The following ZSWIM8 variants were observed in gnomAD, a reference collection of about 807,000 sequenced individuals.
The protein encoded by ZSWIM8 is zinc finger SWIM domain-containing protein 8.
In ZSWIM8, 27 loss-of-function variants were observed where a neutral mutation model predicts 173.7. That is an observed-to-expected ratio of 0.16 (90% CI 0.11 to 0.21). ZSWIM8 has a LOEUF of 0.21. ZSWIM8 is among the 10% of genes least tolerant of loss of function. ZSWIM8 has a pLI of 1.00. For synonymous variants in ZSWIM8, 958 were observed against 962.0 expected, an observed-to-expected ratio of 1.00 and a Z score of 0.08; for missense variants, 1,627 against 2,428.8, an observed-to-expected ratio of 0.67 and a Z score of 6.94.
At position 73,791,191 on chromosome 10, in the gene ZSWIM8, T is replaced by C. The variant is rs760410991; in HGVS notation, c.1143+15T>C. On this transcript the variant is annotated intron_variant, in intron 8 of 25. Transcript: ENST00000604729. This position sits in a 1 kb window ranked among gnomAD's most constrained non-coding sequence, Gnocchi z 6.0. ...CCTATGAACAGGTAATCACTCAGCG[T>C]TGGGGAGCCCCGTGGTAGCTCATTC... 8.8e-6 allele frequency: 14 copies of C among 1,585,752 alleles called. No homozygotes were observed. Among genetic ancestry groups the C allele is most frequent in the East Asian group, 2.3e-5 (1 of 44,344 alleles).
chr10:73,799,987 C>A (rs367710825), intron 21 of ZSWIM8, 24 bp from the exon 22 acceptor site: 2 of 1,608,394 alleles, frequency 1.2e-6, no homozygotes, highest in Admixed American at 3.3e-5. Context: ...TTGGCATCTT[C>A]CCCTTTCTTC....
chr10:73,799,603 G>T, intron 21 of ZSWIM8, 113 bp downstream of exon 21: 1 of 1,440,426 alleles, frequency 6.9e-7, no homozygotes, highest in Non-Finnish European at 9.5e-7. Context: ...TCCTGGTGAG[G>T]TGGTGGGAGT....
intron 11 of ZSWIM8, 30 bp downstream of exon 11, chr10:73,793,749 T>G: frequency 1.8e-6 from 2 of 1,085,074 alleles, no homozygotes; most frequent in Non-Finnish European, 2.4e-6. Flanking sequence ...TACCTTCCCC[T>G]CCCCCACTTA....
At chr10:73,786,244 G>A in intron 1 of ZSWIM8, 158 bp downstream of exon 1, 2 of 853,138 alleles carry the variant, frequency 2.3e-6, no homozygotes, top group Non-Finnish European at 3.4e-6. Context: ...ACTGGGAGCT[G>A]TCCCAAGCTT....
chr10:73,786,156 C>G, intron 1 of ZSWIM8, 70 bp downstream of exon 1: 1 of 1,399,362 alleles, frequency 7.1e-7, no homozygotes, highest in Non-Finnish European at 9.4e-7. Context: ...TGTCCGGGAC[C>G]AGGAGCTGTC....
At chr10:73,798,488 G>T (rs1310050099) in intron 20 of ZSWIM8, 35 bp downstream of exon 20, 9 of 1,586,584 alleles carry the variant, frequency 5.7e-6, no homozygotes, top group Non-Finnish European at 7.7e-6. Flanking sequence ...CCTCTTCTGG[G>T]GCATCTGGGC....
chr10:73,799,543 A>C, intron 21 of ZSWIM8, 53 bp downstream of exon 21: 1 of 1,570,088 alleles, frequency 6.4e-7, no homozygotes, highest in Non-Finnish European at 8.7e-7. Context: ...CTGGGAATTC[A>C]TAGGGGGTTG....
At position 73,792,783 on chromosome 10, in the gene ZSWIM8, G is replaced by A. The variant is rs1012806461; in HGVS notation, c.2244G>A (p.Glu748=). 1.2e-6 allele frequency: 2 copies of A among 1,608,464 alleles called. No homozygotes were observed. Among genetic ancestry groups the A allele is most frequent in the Non-Finnish European group, 1.7e-6 (2 of 1,179,432 alleles). Residue 748 remains glutamate (E), a synonymous_variant, in exon 10 of 26, where the codon GAG becomes GAA. Transcript: ENST00000604729. This position sits in a 1 kb window ranked among gnomAD's most constrained non-coding sequence, Gnocchi z 4.3. ...CTGGGGGCGAGGAAGAGAAGGCCGA[G>A]GGCGGGGCTGGGGAGGAGCACGACC... is the stretch of plus-strand genomic sequence containing the variant. ...DGAGGEEEKA[E]GGAGEEHDLF...
chr10:73,800,322 T>G lies in ZSWIM8; in HGVS notation c.4852T>G (p.Phe1618Val), dbSNP rs189632352. The G allele has an allele frequency of 2.4e-4, 395 of 1,613,864 alleles. 1 individual carries two copies. The African/African-American group carries it at 5.0e-3, about 20-fold the overall frequency. ...GAGCAGTGTCCATCCAGCATCCACG[T>G]TTCCAGCCATCCAAGGTGCCTCACT... ...ALSSVHPAST[F>V]PAIQGASLPA... The change falls in exon 23 of 26, where the codon TTT (phenylalanine) becomes GTT (valine). Residue 1618 changes from phenylalanine (F) to valine (V), a missense_variant. Physicochemically the swap from Phe to Val is conservative, Grantham distance 50 (BLOSUM62 -1). Coordinates refer to ENST00000604729, the MANE Select transcript of ZSWIM8 (RefSeq NM_001367799.1). The surrounding 1 kb of genome is among the most constrained non-coding windows in gnomAD (Gnocchi z 4.1).
intron 11 of ZSWIM8, 35 bp downstream of exon 11, chr10:73,793,754 C>T (rs372881703): frequency 1.3e-6 from 2 of 1,574,564 alleles, no homozygotes; most frequent in African/African-American, 1.3e-5. Flanking sequence ...TCCCCTCCCC[C>T]ACTTACCCCC....
Position 73,797,191 on chromosome 10 carries a change from G to C in ZSWIM8, c.3353G>C (p.Ser1118Thr). 2.5e-6 allele frequency: 4 copies of C among 1,614,018 alleles called. No homozygotes were observed. The highest frequency in any genetic ancestry group is 3.4e-6 in the Non-Finnish European group (4 of 1,179,880). The change falls in exon 17 of 26, where the codon AGC becomes ACC. Residue 1118 changes from serine (S) to threonine (T), a missense_variant. Physicochemically the swap from Ser to Thr is moderately conservative, Grantham distance 58. Around this residue, in one of 18 missense-constraint regions of ZSWIM8, gnomAD observed 163 missense variants for 193.2 expected, o/e 0.84. Coordinates refer to ENST00000604729, the MANE Select transcript of ZSWIM8 (RefSeq NM_001367799.1). This position sits in a 1 kb window ranked among gnomAD's most constrained non-coding sequence, Gnocchi z 5.6. ...LTPRPEGKVP[S>T]RLALGSRGGY... ...CCAAGGCCAGAAGGGAAGGTTCCTA[G>C]CCGCTTGGCACTTGGCAGTCGTGGA...
chr10:73,792,026 C>T lies in ZSWIM8; in HGVS notation c.1487C>T (p.Thr496Ile). 6.5e-7 allele frequency: 1 copy of T among 1,549,622 alleles called. No individual in the cohort carries two copies. The highest frequency in any genetic ancestry group is 8.7e-7 in the Non-Finnish European group (1 of 1,145,706). ...GAGGCCTACCCACTTCCTGGTGTCA[C>T]CTACAGCGGCACTGACAGGAAGCTG... Reference protein sequence around the residue: ...WEEAYPLPGVTYSGTDRKLAL... With the variant: ...WEEAYPLPGVIYSGTDRKLAL... Residue 496 changes from threonine to isoleucine, a missense_variant, in exon 10 of 26, where the codon ACC (threonine) becomes ATC (isoleucine). Around this residue, in one of 18 missense-constraint regions of ZSWIM8, gnomAD observed 103 missense variants for 155.6 expected, o/e 0.66. Coordinates refer to ENST00000604729, the MANE Select transcript of ZSWIM8 (RefSeq NM_001367799.1). This position sits in a 1 kb window ranked among gnomAD's most constrained non-coding sequence, Gnocchi z 4.3.
intron 20 of ZSWIM8, 109 bp from the exon 21 acceptor site, chr10:73,798,893 T>C (rs867808580): frequency 1.1e-4 from 156 of 1,437,344 alleles, no homozygotes; most frequent in Middle Eastern, 9.2e-4. Context: ...TGACCTCTGA[T>C]GATTCCCTGG....
chr10:73,798,535 C>T, intron 20 of ZSWIM8, 82 bp downstream of exon 20: 1 of 1,267,448 alleles, frequency 7.9e-7, no homozygotes, highest in Non-Finnish European at 1.1e-6. Flanking sequence ...GGGCCCAGCT[C>T]TTGATTCCCG....
intron 6 of ZSWIM8, 50 bp from the exon 7 acceptor site, chr10:73,790,122 G>A (rs745891537): frequency 6.8e-6 from 11 of 1,610,714 alleles, no homozygotes; most frequent in Non-Finnish European, 8.5e-7. Flanking sequence ...GCTGTTGTCA[G>A]GCAAATCCAG....
rs777948924 is a variant in ZSWIM8 at position 73,791,306 on chromosome 10, A to G, written c.1144-18A>G. ...CTCTGAGCTCTCAGGTGCAGCTCAC[A>G]GCCTTCTTTGTCTCCAGATAACAGG... On this transcript the variant is annotated intron_variant, in intron 8 of 25. Transcript: ENST00000604729. The surrounding 1 kb of genome is among the most constrained non-coding windows in gnomAD (Gnocchi z 6.0). 1.3e-6 allele frequency: 2 copies of G among 1,593,456 alleles called. No homozygotes were observed. The highest frequency in any genetic ancestry group is 1.7e-4 in the Middle Eastern group (1 of 6,004).
rs750741709 is a variant in ZSWIM8, at chr10:73,786,035, T to A, written c.157T>A (p.Ser53Thr). ...GCGCAAACAGTCAGCGGGGCCCAAT[T>A]CCCCCACTGGCGGCGGTGGCGGAGG... Reference protein sequence around the residue: ...GWRKQSAGPNSPTGGGGGGGS... With the variant: ...GWRKQSAGPNTPTGGGGGGGS... Residue 53 changes from serine (S) to threonine (T), a missense_variant, in exon 1 of 26, where the codon TCC becomes ACC. Physicochemically the swap from Ser to Thr is moderately conservative, Grantham distance 58. Transcript: ENST00000604729. 2 of 1,601,140 alleles carry A rather than the reference T, an allele frequency of 1.2e-6. No homozygotes were observed. The highest frequency in any genetic ancestry group is 2.3e-5 in the East Asian group (1 of 43,744).
Position 73,794,215 on chromosome 10 carries a change from G to A in ZSWIM8, c.2694G>A (p.Glu898=). 1 of 1,614,062 alleles carries A rather than the reference G, an allele frequency of 6.2e-7. No individual in the cohort carries two copies. Residue 898 remains glutamate, a synonymous_variant, in exon 13 of 26, where the codon GAG becomes GAA. Transcript: ENST00000604729. ...AGAAGATCCCTCTGGGTCCAAGTGA[G>A]ATGAGTACCATGCGGTGCCGGGCAG... ...LLKKIPLGPS[E]MSTMRCRAEE...
chr10:73,795,733 A>ATGCC, intron 15 of ZSWIM8, 70 bp downstream of exon 15: 1 of 1,517,792 alleles, frequency 6.6e-7, no homozygotes, highest in Non-Finnish European at 8.9e-7. Context: ...AGAGGCGGGC[A>ATGCC]GATGGCTTGA....
Sources: gnomAD v4.1 joint callset for allele counts on GRCh38, gnomAD v4.1.1 for gene constraint, gnomAD v4.1.1 regional missense constraint, Gnocchi (gnomAD v3.1) non-coding constraint, MANE v1.5 for transcripts, NCBI Gene and HGNC (gene_info 2026-07-23, HGNC 2026-07-21) for gene names.